The following RGS7BP variants were observed in gnomAD, a reference collection of about 807,000 sequenced individuals.
The protein encoded by RGS7BP is regulator of G protein signaling 7 binding protein, also known as regulator of G protein signaling 7-binding protein.
Under a neutral mutation model 31.3 loss-of-function variants are expected in RGS7BP, and 9 were observed. The ratio of observed to expected loss-of-function variants is 0.29; its 90% CI spans 0.17 to 0.50. The LOEUF (loss-of-function observed/expected upper bound fraction) is 0.50. RGS7BP is among the 20% of genes least tolerant of loss of function. The probability of loss-of-function intolerance (pLI) is 0.98; values close to 1 mark genes in which losing one functional copy is unlikely to be tolerated. For synonymous variants in RGS7BP, 115 were observed against 120.1 expected (o/e 0.96, Z 0.28); for missense variants, 274 against 322.0 (o/e 0.85, Z 1.14).
At chr5:64,555,245 C>G (rs1741892408) in intron 2 of RGS7BP, among the ~76,000 whole-genome samples, 1 of 152,122 alleles carries the variant, frequency 6.6e-6, no homozygotes, top group Non-Finnish European at 1.5e-5. Context: ...CAGATGACAA[C>G]AGAATAAAAT....
chr5:64,553,530 A>G (rs915524751), intron 2 of RGS7BP, among the ~76,000 whole-genome samples: 16 of 151,324 alleles, frequency 1.1e-4, no homozygotes, highest in African/African-American at 3.9e-4. Flanking sequence ...TCAAAATGAC[A>G]CTTTTTTTTT....
At chr5:64,594,395 T>C (rs1415604217) in intron 3 of RGS7BP, among the ~76,000 whole-genome samples, 2 of 152,156 alleles carry the variant, frequency 1.3e-5, no homozygotes, top group Non-Finnish European at 2.9e-5. Flanking sequence ...TGAGCTAACT[T>C]AATCTAATTC....
intron 2 of RGS7BP, among the ~76,000 whole-genome samples, chr5:64,544,565 C>A: frequency 6.6e-6 from 1 of 151,166 alleles, no homozygotes. Flanking sequence ...TCCTAGCCAC[C>A]TGGGAAGCTG....
chr5:64,516,135 C>G (rs1218068793), intron 2 of RGS7BP, among the ~76,000 whole-genome samples: 1 of 152,162 alleles, frequency 6.6e-6, no homozygotes, highest in African/African-American at 2.4e-5. Flanking sequence ...ATAGAAGACT[C>G]TAGATACAAT....
At chr5:64,595,002 C>A (rs1743027537) in intron 4 of RGS7BP, 145 bp downstream of exon 4, 3 of 819,034 alleles carry the variant, frequency 3.7e-6, no homozygotes, top group Non-Finnish European at 5.7e-6. Flanking sequence ...TGTCAGGGAC[C>A]CTGGAGACTG....
intron 2 of RGS7BP, among the ~76,000 whole-genome samples, chr5:64,569,298 A>AC (rs1275851875): frequency 1.3e-5 from 2 of 152,126 alleles, no homozygotes; most frequent in African/African-American, 4.8e-5. Flanking sequence ...GAACAAAAAA[A>AC]AACAACAACA....
In RGS7BP at chr5:64,609,150, T is replaced by C; in HGVS notation, c.683-11T>C. 1.9e-6 allele frequency: 3 copies of C among 1,564,716 alleles called. No individual in the cohort carries two copies. The highest frequency in any genetic ancestry group is 2.6e-6 in the Non-Finnish European group (3 of 1,135,398). On this transcript the variant is annotated splice_polypyrimidine_tract_variant and intron_variant, in intron 5 of 5. Coordinates refer to ENST00000334025, the MANE Select transcript of RGS7BP (RefSeq NM_001029875.3). Reference sequence around the variant, plus strand: ...ATACCTCACTTATGTGCACATTATGTCCCATCACAGATGACAGCAGCCTTC... The same window carrying C: ...ATACCTCACTTATGTGCACATTATGCCCCATCACAGATGACAGCAGCCTTC...
chr5:64,579,659 G>A (rs1028367577), intron 3 of RGS7BP, among the ~76,000 whole-genome samples: 4 of 149,712 alleles, frequency 2.7e-5, no homozygotes, highest in African/African-American at 7.4e-5. Context: ...AGAAAATAAA[G>A]CACTAGCAAA....
intron 2 of RGS7BP, among the ~76,000 whole-genome samples, chr5:64,523,706 T>C (rs894162103): frequency 6.6e-6 from 1 of 152,236 alleles, no homozygotes; most frequent in Non-Finnish European, 1.5e-5. Flanking sequence ...AAAGGAAATA[T>C]ATTTTGGCTT....
intron 2 of RGS7BP, among the ~76,000 whole-genome samples, chr5:64,517,420 C>A (rs1357672498): frequency 6.6e-6 from 1 of 152,174 alleles, no homozygotes; most frequent in East Asian, 1.9e-4. Context: ...TGTCACAGTA[C>A]CCAACCTATA....
chr5:64,593,705 T>G (rs1300623594), intron 3 of RGS7BP, among the ~76,000 whole-genome samples: 1 of 152,162 alleles, frequency 6.6e-6, no homozygotes, highest in African/African-American at 2.4e-5. Flanking sequence ...GAGACTTTCT[T>G]TCACCTCCAT....
rs561164386 is a variant in RGS7BP at position 64,584,116 on chromosome 5, G to A, written c.463+8212G>A. ...TAGACCATTCTTACTAAGCTACATT[G>A]GAGAAGGGCAGGAGGGCATATCAAA... is the stretch of plus-strand genomic sequence containing the variant. On this transcript the variant is annotated intron_variant, in intron 3 of 5. Transcript: ENST00000334025. Among the ~76,000 whole-genome samples, 234 of 152,268 alleles carry A rather than the reference G, an allele frequency of 1.5e-3. 1 individual carries two copies. The highest frequency in any genetic ancestry group is 5.4e-3 in the African/African-American group (225 of 41,540).
intron 2 of RGS7BP, among the ~76,000 whole-genome samples, chr5:64,548,851 C>CTTTTTTTTTTTTTTTTT (rs555751491): frequency 1.5e-5 from 2 of 137,494 alleles, no homozygotes; most frequent in African/African-American, 5.4e-5. Flanking sequence ...AAGCCCTTTC[C>CTTTTTTTTTTTTTTTTT]TTTTTTTTTT....
chr5:64,552,258 G>GA (rs1412045967), intron 2 of RGS7BP, among the ~76,000 whole-genome samples: 1 of 151,688 alleles, frequency 6.6e-6, no homozygotes, highest in Non-Finnish European at 1.5e-5. Flanking sequence ...GTATCTATTA[G>GA]AAAAAATTTC....
At chr5:64,604,502 T>G (rs1434760289) in intron 5 of RGS7BP, among the ~76,000 whole-genome samples, 1 of 152,152 alleles carries the variant, frequency 6.6e-6, no homozygotes, top group African/African-American at 2.4e-5. Flanking sequence ...GCCTTGGACT[T>G]AGCAGGCCTT....
intron 5 of RGS7BP, among the ~76,000 whole-genome samples, chr5:64,605,221 A>G (rs1279740369): frequency 6.6e-6 from 1 of 152,044 alleles, no homozygotes; most frequent in African/African-American, 2.4e-5. Flanking sequence ...TGGAGAAAAG[A>G]TGATATAAAA....
chr5:64,566,122 C>G (rs1259356368), intron 2 of RGS7BP, among the ~76,000 whole-genome samples: 1 of 151,984 alleles, frequency 6.6e-6, no homozygotes, highest in Non-Finnish European at 1.5e-5. Context: ...AAGCTGGCAG[C>G]CCTGGGTCTC....
chr5:64,604,744 T>C (rs1257496294), intron 5 of RGS7BP, among the ~76,000 whole-genome samples: 4 of 152,174 alleles, frequency 2.6e-5, no homozygotes, highest in Non-Finnish European at 5.9e-5. Context: ...GGAATAGATA[T>C]TTGTAACTGC....
intron 2 of RGS7BP, among the ~76,000 whole-genome samples, chr5:64,555,509 A>G (rs965604320): frequency 2.6e-5 from 4 of 152,158 alleles, no homozygotes; most frequent in Admixed American, 6.6e-5. Flanking sequence ...GAAAAATACA[A>G]TGGGGGAAAC....
Sources: gnomAD v4.1 joint callset for allele counts (sites outside exome capture counted in the v4.1 genomes callset) on GRCh38, gnomAD v4.1.1 for gene constraint, MANE v1.5 for transcripts, NCBI Gene and HGNC (gene_info 2026-07-23, HGNC 2026-07-21) for gene names.